The following PCBD2 variants were observed in gnomAD, a reference collection of about 807,000 sequenced individuals.
PCBD2 encodes the protein pterin-4-alpha-carbinolamine dehydratase 2.
PCBD2 carries 12 observed loss-of-function variants against 16.4 expected under a neutral mutation model. The ratio of observed to expected loss-of-function variants is 0.73; its 90% CI spans 0.47 to 1.19. The LOEUF (loss-of-function observed/expected upper bound fraction) is 1.19. PCBD2 is among the 50% of genes most tolerant of loss of function. The pLI is 0.00. For synonymous variants in PCBD2, 58 were observed against 61.8 expected, an observed-to-expected ratio of 0.94 and a Z score of 0.29; for missense variants, 138 against 156.8, an observed-to-expected ratio of 0.88 and a Z score of 0.64.
intron 2 of PCBD2, among the ~76,000 whole-genome samples, chr5:134,941,739 AAG>A (rs1377228538): frequency 6.6e-6 from 1 of 152,226 alleles, no homozygotes; most frequent in Non-Finnish European, 1.5e-5. Flanking sequence ...TTTTGGAAAA[AAG>A]GGCACAGGGA....
intron 2 of PCBD2, chr5:134,924,589 C>T: frequency 2.5e-6 from 1 of 398,698 alleles, no homozygotes; most frequent in Non-Finnish European, 4.4e-6. Flanking sequence ...GTAGTAGTTA[C>T]TGGTTGAACA....
chr5:134,905,269 C>A (rs1750670598), intron 1 of PCBD2, 46 bp downstream of exon 1: 1 of 1,215,130 alleles, frequency 8.2e-7, no homozygotes, highest in Non-Finnish European at 1.0e-6. Context: ...GGTCGGGGGG[C>A]GGTGCGAGGC....
At chr5:134,910,311 A>T in intron 1 of PCBD2, 24 bp from the exon 2 acceptor site, 1 of 1,605,206 alleles carries the variant, frequency 6.2e-7, no homozygotes, top group Non-Finnish European at 8.5e-7. Context: ...ACATTTTCAG[A>T]TATGAAATGT....
At position 134,924,338 on chromosome 5, in the gene PCBD2, G is replaced by A. The variant is rs552372216; in HGVS notation, c.216+13872G>A. 2.0e-3 allele frequency: 807 copies of A among 395,572 alleles called. 4 individuals are homozygous for A. Among genetic ancestry groups the A allele is most frequent in the African/African-American group, 0.015 (722 of 48,498 alleles). 24.5% of individuals were successfully genotyped at this position (395,572 alleles called of 1,614,324 possible). On this transcript the variant is annotated intron_variant, in intron 2 of 3. Transcript: ENST00000254908. ...TGGTTGTTTTTGGATATACTACAGC[G>A]GTGGCTATTGAGGAGTATCCTGAGG...
At chr5:134,920,880 G>C (rs1040834394) in intron 2 of PCBD2, among the ~76,000 whole-genome samples, 2 of 152,254 alleles carry the variant, frequency 1.3e-5, no homozygotes, top group African/African-American at 2.4e-5. Flanking sequence ...TGGCCAGGCT[G>C]TACTTGAACT....
intron 2 of PCBD2, among the ~76,000 whole-genome samples, chr5:134,946,547 G>A (rs552402329): frequency 3.9e-5 from 6 of 152,220 alleles, no homozygotes; most frequent in African/African-American, 1.4e-4. Flanking sequence ...TTTTAAAAGG[G>A]GAATGGATTC....
intron 1 of PCBD2, among the ~76,000 whole-genome samples, chr5:134,905,989 C>A (rs1295870156): frequency 2.0e-5 from 3 of 151,942 alleles, no homozygotes; most frequent in Non-Finnish European, 4.4e-5. Flanking sequence ...TCTCCTGCCT[C>A]ACCCTCCCGA....
intron 2 of PCBD2, among the ~76,000 whole-genome samples, chr5:134,917,478 G>A (rs1188710064): frequency 6.6e-6 from 1 of 152,244 alleles, no homozygotes; most frequent in Non-Finnish European, 1.5e-5. Flanking sequence ...TGGTGATTCA[G>A]GAGGAAGGGA....
rs1040043853 is a variant in PCBD2 at position 134,961,251 on chromosome 5, C to T, written c.*570C>T. On this transcript the variant is annotated 3_prime_UTR_variant, in exon 4 of 4. Transcript: ENST00000254908. ...AATCATATACCTAAGATAAACCAAC[C>T]CAGTTACTTATATTAATAATATTCA... 6.6e-6 allele frequency: 1 copy of T among 151,398 alleles called. No homozygotes were observed. Among genetic ancestry groups the T allele is most frequent in the Admixed American group, 6.6e-5 (1 of 15,190 alleles). 9.4% of individuals were successfully genotyped at this position (151,398 alleles called of 1,614,324 possible).
At chr5:134,942,877 A>G (rs1027759076) in intron 2 of PCBD2, among the ~76,000 whole-genome samples, 1 of 152,180 alleles carries the variant, frequency 6.6e-6, no homozygotes, top group Non-Finnish European at 1.5e-5. Flanking sequence ...TGCTCTTTCC[A>G]TCATATTGCA....
chr5:134,922,845 T>C (rs953560427), intron 2 of PCBD2, among the ~76,000 whole-genome samples: 1 of 151,974 alleles, frequency 6.6e-6, no homozygotes, highest in Non-Finnish European at 1.5e-5. Context: ...TGTATTTATT[T>C]ATTTATTTTT....
At chr5:134,918,430 G>A (rs1580879644) in intron 2 of PCBD2, among the ~76,000 whole-genome samples, 3 of 152,272 alleles carry the variant, frequency 2.0e-5, no homozygotes, top group Admixed American at 1.3e-4. Context: ...GCTTGAACCC[G>A]GGAGGCGGAG....
intron 2 of PCBD2, chr5:134,923,973 T>C (rs553388767): frequency 6.6e-5 from 26 of 394,336 alleles, no homozygotes; most frequent in Non-Finnish European, 9.4e-5. Flanking sequence ...TGCGGAGATA[T>C]TGGATGGGGT....
intron 2 of PCBD2, chr5:134,925,310 G>A (rs1580883078): frequency 2.5e-6 from 1 of 398,428 alleles, no homozygotes; most frequent in South Asian, 1.3e-4. Context: ...GTGAGGAAGG[G>A]TATTCCTGCC....
At chr5:134,928,375 G>C (rs1751046605) in intron 2 of PCBD2, 1 of 371,576 alleles carries the variant, frequency 2.7e-6, no homozygotes, top group Non-Finnish European at 4.8e-6. Flanking sequence ...CATTCGTTTT[G>C]TTTGAACTAT....
chr5:134,933,854 C>T (rs1302026627), intron 2 of PCBD2, among the ~76,000 whole-genome samples: 1 of 152,112 alleles, frequency 6.6e-6, no homozygotes, highest in Non-Finnish European at 1.5e-5. Flanking sequence ...AAAATCAAGC[C>T]CTTCAAGTTA....
intron 2 of PCBD2, among the ~76,000 whole-genome samples, chr5:134,955,385 G>A (rs564268687): frequency 1.4e-5 from 2 of 147,424 alleles, no homozygotes; most frequent in East Asian, 2.0e-4. Flanking sequence ...TTGGCTCACT[G>A]CAACCTCTGC....
chr5:134,958,947 C>A, intron 2 of PCBD2, 93 bp from the exon 3 acceptor site: 1 of 929,586 alleles, frequency 1.1e-6, no homozygotes, highest in African/African-American at 1.7e-5. Context: ...AGGATCCTTG[C>A]CTGCCTTTAT....
At chr5:134,935,559 A>C (rs376674490) in intron 2 of PCBD2, among the ~76,000 whole-genome samples, 10 of 152,364 alleles carry the variant, frequency 6.6e-5, no homozygotes, top group African/African-American at 2.4e-4. Context: ...GTTACAGAGA[A>C]TCTGCTCCTA....
Sources: gnomAD v4.1 joint callset for allele counts (sites outside exome capture counted in the v4.1 genomes callset) on GRCh38, gnomAD v4.1.1 for gene constraint, MANE v1.5 for transcripts, NCBI Gene and HGNC (gene_info 2026-07-23, HGNC 2026-07-21) for gene names.